GRIP1: variants seen among roughly 807,000 people sequenced by gnomAD.
GRIP1 encodes the protein glutamate receptor interacting protein 1, also known as glutamate receptor-interacting protein 1.
A neutral mutation model predicts 129.9 loss-of-function variants in GRIP1; 45 were observed. The ratio of observed to expected loss-of-function variants is 0.35; its 90% confidence interval spans 0.27 to 0.44. GRIP1 has a LOEUF of 0.44. Ranked by LOEUF, GRIP1 falls within the 20% of genes least tolerant of loss-of-function variation. The pLI is 1.00. For missense variants in GRIP1, 1,196 were observed against 1,396.8 expected (o/e 0.86, Z 2.29); for synonymous variants, 530 against 520.8 (o/e 1.02, Z -0.24).
chr12:66,750,588 A>T (rs1389602973), intron 1 of GRIP1, among the ~76,000 whole-genome samples: 1 of 152,166 alleles, frequency 6.6e-6, no homozygotes, highest in Non-Finnish European at 1.5e-5. Flanking sequence ...GAGGCAACCC[A>T]TTCTCCCCTA....
At chr12:66,879,272 GA>G (rs34754543) in intron 1 of GRIP1, among the ~76,000 whole-genome samples, 32,549 of 147,582 alleles carry the variant, frequency 0.22, 4,141 homozygotes, top group East Asian at 0.3. Flanking sequence ...TTGCAAAAAG[GA>G]AAAAAAAAAG....
At chr12:66,449,541 C>T (rs763775229) in intron 11 of GRIP1, among the ~76,000 whole-genome samples, 1 of 152,198 alleles carries the variant, frequency 6.6e-6, no homozygotes, top group South Asian at 2.1e-4. Context: ...AGATAGCCTC[C>T]AACCCTACGC....
chr12:66,583,667 T>G (rs1358344100), intron 2 of GRIP1, among the ~76,000 whole-genome samples: 1 of 140,030 alleles, frequency 7.1e-6, no homozygotes, highest in East Asian at 2.1e-4. Context: ...ATGCTCATCA[T>G]CACTGGCCAT....
intron 1 of GRIP1, among the ~76,000 whole-genome samples, chr12:66,871,242 T>C (rs1042040034): frequency 2.6e-5 from 4 of 152,134 alleles, no homozygotes; most frequent in Admixed American, 1.3e-4. Context: ...CTGTTTCTAC[T>C]TTTTCAAACA....
chr12:66,937,074 C>T (rs1566085883), intron 1 of GRIP1, among the ~76,000 whole-genome samples: 1 of 152,152 alleles, frequency 6.6e-6, no homozygotes, highest in Non-Finnish European at 1.5e-5. Flanking sequence ...GTTGGCTTCT[C>T]ATATTAGCAA....
chr12:66,800,450 C>G (rs993140012), intron 1 of GRIP1, among the ~76,000 whole-genome samples: 1 of 152,098 alleles, frequency 6.6e-6, no homozygotes, highest in African/African-American at 2.4e-5. Context: ...TCTTCTTTCT[C>G]AAGTAATTCA....
At chr12:66,569,442 A>G (rs1436633857) in intron 2 of GRIP1, among the ~76,000 whole-genome samples, 1 of 151,616 alleles carries the variant, frequency 6.6e-6, no homozygotes, top group Non-Finnish European at 1.5e-5. Context: ...GCCCCACTAC[A>G]CTCCAGCCTG....
chr12:66,395,883 T>A (rs1482833872), intron 16 of GRIP1, among the ~76,000 whole-genome samples: 1 of 152,208 alleles, frequency 6.6e-6, no homozygotes, highest in Non-Finnish European at 1.5e-5. Context: ...AGGCTGGTGA[T>A]GATCTGCTAA....
chr12:66,850,650 T>C (rs923625184), intron 1 of GRIP1, among the ~76,000 whole-genome samples: 4 of 152,010 alleles, frequency 2.6e-5, no homozygotes, highest in African/African-American at 9.7e-5. Context: ...GGACATCAGA[T>C]ACACTCCTAC....
intron 1 of GRIP1, among the ~76,000 whole-genome samples, chr12:66,730,654 C>T (rs2036403202): frequency 7.1e-6 from 1 of 141,212 alleles, no homozygotes; most frequent in Admixed American, 7.4e-5. Context: ...AAGCCCAAAG[C>T]CTAAATGGAT....
chr12:66,410,235 G>A (rs565838408), intron 15 of GRIP1, among the ~76,000 whole-genome samples: 1 of 90,238 alleles, frequency 1.1e-5, no homozygotes, highest in African/African-American at 3.8e-5. Context: ...GGGCGACAGA[G>A]CGAGACTCCG....
intron 7 of GRIP1, among the ~76,000 whole-genome samples, chr12:66,497,138 A>C (rs944242003): frequency 7.9e-5 from 12 of 152,292 alleles, no homozygotes; most frequent in South Asian, 2.1e-4. Flanking sequence ...GCAAAAATGC[A>C]TACATAATGT....
At chr12:66,816,450 T>C (rs1374464586) in intron 1 of GRIP1, among the ~76,000 whole-genome samples, 1 of 152,176 alleles carries the variant, frequency 6.6e-6, no homozygotes, top group Admixed American at 6.5e-5. Flanking sequence ...CTATCAAAAT[T>C]TAATTTTCTT....
chr12:66,872,297 A>G (rs925060663), intron 1 of GRIP1, among the ~76,000 whole-genome samples: 1 of 152,038 alleles, frequency 6.6e-6, no homozygotes, highest in Non-Finnish European at 1.5e-5. Context: ...CAGTCAGTAC[A>G]GGGATTTCCT....
Position 66,814,229 on chromosome 12 carries a change from C to T in GRIP1, c.59-217302G>A, listed in dbSNP as rs1177410729. Among the ~76,000 whole-genome samples the T allele has an allele frequency of 3.3e-5, 5 of 152,050 alleles. No individual in the cohort carries two copies. The East Asian group carries it at 7.7e-4, about 23-fold the overall frequency. On this transcript the variant is annotated intron_variant, in intron 1 of 1. Coordinates refer to the GRIP1 transcript ENST00000643019. ...AGTTAAACTCTCTGTACCCCATTTCCTCATCTACAAATGAGGATAAACAAT... is the reference window on the plus strand; with the variant it reads ...AGTTAAACTCTCTGTACCCCATTTCTTCATCTACAAATGAGGATAAACAAT...
intron 4 of GRIP1, among the ~76,000 whole-genome samples, chr12:66,531,252 AATAT>A (rs71069009): frequency 0.066 from 1,230 of 18,636 alleles, 25 homozygotes; most frequent in Non-Finnish European, 0.071. Flanking sequence ...AAAAAAAAAA[AATAT>A]ATATATATAT....
intron 2 of GRIP1, chr12:66,569,152 C>A (rs1192387023): frequency 1.7e-5 from 4 of 235,644 alleles, no homozygotes; most frequent in Non-Finnish European, 3.3e-5. Context: ...AGCTTGTGAT[C>A]AAAAAACTTT....
At position 66,784,070 on chromosome 12, in the gene GRIP1, A is replaced by G. The variant is rs151187976; in HGVS notation, c.-420+19983T>C. ...CTTATATAATTAAGAACAGAGGGAC[A>G]GCAGGGAAAATGGACGAGAAGGCCT... On this transcript the variant is annotated intron_variant, in intron 1 of 4. Coordinates refer to the GRIP1 transcript ENST00000538373. Among the ~76,000 whole-genome samples, 757 of 152,348 alleles carry G rather than the reference A, an allele frequency of 5.0e-3. 8 individuals are homozygous for G. Among genetic ancestry groups the G allele is most frequent in the African/African-American group, 0.017 (724 of 41,580 alleles).
intron 1 of GRIP1, among the ~76,000 whole-genome samples, chr12:66,650,051 C>G (rs180815250): frequency 7.2e-5 from 11 of 152,272 alleles, no homozygotes; most frequent in Non-Finnish European, 1.3e-4. Flanking sequence ...ACCACAGTGT[C>G]CACTTTGCCT....
Sources: allele counts gnomAD v4.1 joint callset (sites outside exome capture counted in the v4.1 genomes callset), GRCh38; gene constraint gnomAD v4.1.1; transcripts MANE v1.5; gene names NCBI Gene and HGNC (gene_info 2026-07-23, HGNC 2026-07-21).